Variants in ANKRD18A observed in about 807,000 individuals in gnomAD.
ANKRD18A encodes ankyrin repeat domain 18A, also known as ankyrin repeat domain-containing protein 18A.
In ANKRD18A, 72 loss-of-function variants were observed where a neutral mutation model predicts 110.6. The ratio of observed to expected loss-of-function variants is 0.65; its 90% CI spans 0.54 to 0.79. The LOEUF (loss-of-function observed/expected upper bound fraction) is 0.79, where lower values mean the gene tolerates loss of function less well. Among genes scored for constraint, ANKRD18A ranks in the 30% least tolerant of loss-of-function variants. The pLI is 0.00. For synonymous variants in ANKRD18A, 305 were observed against 410.3 expected (o/e 0.74, Z 3.10); for missense variants, 934 against 1,163.3 (o/e 0.80, Z 2.87).
downstream of ANKRD18A, chr9:38,569,354 G>T (rs577929198): frequency 8.0e-5 from 79 of 985,064 alleles, no homozygotes; most frequent in Non-Finnish European, 9.3e-5. Flanking sequence ...ACCCGATAGC[G>T]ACTGTCCCCA....
chr9:38,588,966 T>A (rs1163331751), intron 10 of ANKRD18A, among the ~76,000 whole-genome samples: 1 of 152,246 alleles, frequency 6.6e-6, no homozygotes, highest in African/African-American at 2.4e-5. Context: ...AGTAGTAATA[T>A]TTACATTTTA....
At chr9:38,585,534 C>A (rs1450914456) in intron 12 of ANKRD18A, among the ~76,000 whole-genome samples, 2 of 152,070 alleles carry the variant, frequency 1.3e-5, no homozygotes, top group Non-Finnish European at 2.9e-5. Context: ...ATTGGGTAAT[C>A]CAGGGCCACA....
chr9:38,585,698 A>G (rs115190479), intron 12 of ANKRD18A, among the ~76,000 whole-genome samples: 2,063 of 152,316 alleles, frequency 0.014, 53 homozygotes, highest in African/African-American at 0.047. Context: ...TATTATGAAG[A>G]CACATGTATT....
At position 38,620,278 on chromosome 9, in the gene ANKRD18A, T is replaced by C. The variant is rs1173412884; in HGVS notation, c.8A>G (p.Lys3Arg). 2.6e-6 allele frequency: 4 copies of C among 1,550,454 alleles called. No individual in the cohort carries two copies. The Admixed American group carries it at 7.9e-5, about 30-fold the overall frequency. The change falls in exon 1 of 16, where the codon AAG becomes AGG. Residue 3 changes from lysine (K) to arginine (R), a missense_variant. This residue lies in a region of ANKRD18A where 630 missense variants were observed against 797.5 expected (regional missense o/e 0.79). Coordinates refer to ENST00000399703, the MANE Select transcript of ANKRD18A (RefSeq NM_147195.4). The stretch of plus-strand genomic sequence containing the variant: ...CAGGCGTCTCCCGAAGCTGAAGAGC[T>C]TCCTCATGGTGGCGACTTCTCAGAC... MR[K>R]LFSFGRRLGQ... is the part of the protein sequence containing the mutation.
chr9:38,595,732 A>C lies in ANKRD18A; in HGVS notation c.1608T>G (p.Ile536Met). ...TCTCCTCTAAAGAGTTCTGCTTTCC[A>C]ATGGATTGACTTTCTTTAGCTTCTC... ...PNGEAKESQS[I>M]GKQNSLEERI... Residue 536 changes from isoleucine (I) to methionine (M), a missense_variant, in exon 9 of 16, where the codon ATT becomes ATG. Physicochemically the swap from Ile to Met is conservative, Grantham distance 10. Coordinates refer to ENST00000399703, the MANE Select transcript of ANKRD18A (RefSeq NM_147195.4). 4 of 1,551,438 alleles carry C rather than the reference A, an allele frequency of 2.6e-6. No individual in the cohort carries two copies. The highest frequency in any genetic ancestry group is 3.3e-4 in the Middle Eastern group (2 of 5,984).
At chr9:38,596,734 C>T (rs1428933355) in intron 8 of ANKRD18A, among the ~76,000 whole-genome samples, 1 of 152,114 alleles carries the variant, frequency 6.6e-6, no homozygotes, top group Non-Finnish European at 1.5e-5. Flanking sequence ...AAATTAAAAT[C>T]TTGGAAAAAG....
At chr9:38,596,523 C>T in intron 8 of ANKRD18A, 120 bp from the exon 9 acceptor site, 1 of 899,328 alleles carries the variant, frequency 1.1e-6, no homozygotes, top group Non-Finnish European at 1.5e-6. Flanking sequence ...AAGTGGATAT[C>T]CAACTGGAGA....
intron 8 of ANKRD18A, among the ~76,000 whole-genome samples, chr9:38,597,061 T>C (rs397835048): frequency 2.0e-5 from 3 of 152,164 alleles, no homozygotes; most frequent in African/African-American, 7.2e-5. Flanking sequence ...ACTCTACTTC[T>C]AGTTCTCCAT....
chr9:38,600,010 A>G (rs1825055350), intron 8 of ANKRD18A, among the ~76,000 whole-genome samples: 1 of 152,216 alleles, frequency 6.6e-6, no homozygotes, highest in Non-Finnish European at 1.5e-5. Context: ...TTCTAAATTA[A>G]GTATGAACAA....
At chr9:38,568,911 T>A (rs1823542870), downstream of ANKRD18A, 1 of 985,304 alleles carries the variant, frequency 1.0e-6, no homozygotes, top group African/African-American at 1.7e-5. Flanking sequence ...ACAGGTTGGA[T>A]GACAAGATGC....
intron 10 of ANKRD18A, among the ~76,000 whole-genome samples, chr9:38,591,743 T>TG (rs760982531): frequency 3.9e-5 from 6 of 152,168 alleles, no homozygotes; most frequent in Non-Finnish European, 5.9e-5. Context: ...CTTCTCTCTG[T>TG]GTGACTCAGT....
At chr9:38,575,398 C>T in intron 15 of ANKRD18A, 78 bp downstream of exon 15, 6 of 1,376,726 alleles carry the variant, frequency 4.4e-6, no homozygotes, top group Non-Finnish European at 5.8e-6. Flanking sequence ...GTCAACAGAA[C>T]TCAGTATTTC....
chr9:38,595,323 T>C (rs1824826112), intron 9 of ANKRD18A, among the ~76,000 whole-genome samples, 163 bp downstream of exon 9: 1 of 152,126 alleles, frequency 6.6e-6, no homozygotes, highest in South Asian at 2.1e-4. Context: ...CATCTTTCTG[T>C]CCCTATAGAT....
intron 5 of ANKRD18A, among the ~76,000 whole-genome samples, chr9:38,609,357 T>C (rs893359604): frequency 4.6e-5 from 7 of 152,238 alleles, no homozygotes; most frequent in Admixed American, 4.6e-4. Context: ...GGCGGGCGCC[T>C]GTAGTCCCAG....
At chr9:38,567,351 C>T (rs1823507113), downstream of ANKRD18A, 1 of 152,198 alleles carries the variant, frequency 6.6e-6, no homozygotes, top group Non-Finnish European at 1.5e-5. Flanking sequence ...TAGAAAGCAT[C>T]CTTGAACTGG....
downstream of ANKRD18A, chr9:38,566,617 A>C (rs1361572419): frequency 6.6e-6 from 1 of 152,208 alleles, no homozygotes; most frequent in Admixed American, 6.5e-5. Context: ...GCAATGCTCC[A>C]GTCCTCATTT....
At chr9:38,616,102 G>A in intron 1 of ANKRD18A, 58 bp from the exon 2 acceptor site, 4 of 1,349,700 alleles carry the variant, frequency 3.0e-6, no homozygotes, top group Non-Finnish European at 4.0e-6. Flanking sequence ...AACCTACAAT[G>A]GTCCATGTCA....
chr9:38,571,734 G>A lies in ANKRD18A; in HGVS notation c.*311C>T. 1 of 1,058,078 alleles carries A rather than the reference G, an allele frequency of 9.5e-7. No homozygotes were observed. Among genetic ancestry groups the A allele is most frequent in the Non-Finnish European group, 1.1e-6 (1 of 877,096 alleles). 65.5% of individuals were successfully genotyped at this position (1,058,078 alleles called of 1,614,324 possible). ...TAAACAGCTGACATTCAGGCAATTT[G>A]AGTAGGCCAAACTCAATAACGCTGG... On this transcript the variant is annotated 3_prime_UTR_variant, in exon 16 of 16. Coordinates refer to ENST00000399703, the MANE Select transcript of ANKRD18A (RefSeq NM_147195.4).
At chr9:38,566,436 C>T (rs1293927890), downstream of ANKRD18A, 1 of 152,172 alleles carries the variant, frequency 6.6e-6, no homozygotes, top group African/African-American at 2.4e-5. Flanking sequence ...ACCTCCTCAG[C>T]CTGGCCTTCA....
Sources: allele counts gnomAD v4.1 joint callset (sites outside exome capture counted in the v4.1 genomes callset), GRCh38; gene constraint gnomAD v4.1.1; regional missense constraint gnomAD v4.1.1; transcripts MANE v1.5; gene names NCBI Gene and HGNC (gene_info 2026-07-23, HGNC 2026-07-21).